CDH1: variants seen among roughly 807,000 people sequenced by gnomAD.
CDH1 encodes cadherin-1.
Under a neutral mutation model 84.5 loss-of-function variants are expected in CDH1, and 35 were observed. The ratio of observed to expected loss-of-function variants is 0.41; its 90% CI spans 0.32 to 0.55. The LOEUF (loss-of-function observed/expected upper bound fraction) is 0.55, where lower values mean the gene tolerates loss of function less well. Among genes scored for constraint, CDH1 ranks in the 20% least tolerant of loss-of-function variants. CDH1 has a pLI of 0.19. For synonymous variants in CDH1, 417 were observed against 439.0 expected (o/e 0.95, Z 0.63); for missense variants, 994 against 1,126.6 (o/e 0.88, Z 1.68).
At chr16:68,794,672 C>CA (rs1960308774) in intron 2 of CDH1, among the ~76,000 whole-genome samples, 1 of 149,804 alleles carries the variant, frequency 6.7e-6, no homozygotes, top group Admixed American at 6.8e-5. Flanking sequence ...GGTGCACCAA[C>CA]ATGCCGGGCT....
chr16:68,789,684 C>A (rs1161385891), intron 2 of CDH1, among the ~76,000 whole-genome samples: 2 of 152,188 alleles, frequency 1.3e-5, no homozygotes, highest in Non-Finnish European at 2.9e-5. Flanking sequence ...AAATCCCTCA[C>A]TCCTTAGTTG....
chr16:68,783,366 C>T (rs1959936918), intron 2 of CDH1, among the ~76,000 whole-genome samples: 1 of 140,242 alleles, frequency 7.1e-6, no homozygotes, highest in Admixed American at 7.5e-5. Context: ...CACTGCACTC[C>T]AGCCTAGGTG....
intron 2 of CDH1, among the ~76,000 whole-genome samples, chr16:68,767,515 A>C (rs1229355066): frequency 6.6e-6 from 1 of 152,210 alleles, no homozygotes. Flanking sequence ...TTAAGTTTCA[A>C]TAATGAGAAA....
At position 68,833,794 on chromosome 16, in the gene CDH1, A is replaced by G; in HGVS notation, c.*295A>G. ...AATATTCCAGAAGAACAACTTTAGC[A>G]TCAGAAGGTTCACCCAGCACCTTGC... On this transcript the variant is annotated 3_prime_UTR_variant, in exon 16 of 16. Coordinates refer to ENST00000261769, the MANE Select transcript of CDH1 (RefSeq NM_004360.5). 2.2e-6 allele frequency: 1 copy of G among 459,146 alleles called. No homozygotes were observed. The highest frequency in any genetic ancestry group is 3.8e-5 in the East Asian group (1 of 26,194). 28.4% of individuals were successfully genotyped at this position (459,146 alleles called of 1,614,324 possible).
intron 5 of CDH1, among the ~76,000 whole-genome samples, chr16:68,809,528 G>A (rs1383559409): frequency 1.3e-5 from 2 of 151,088 alleles, no homozygotes; most frequent in African/African-American, 4.9e-5. Context: ...TTTTTGTTTT[G>A]GATTTTTGTT....
intron 3 of CDH1, among the ~76,000 whole-genome samples, chr16:68,803,774 TATCATG>T (rs1157655774): frequency 6.6e-6 from 1 of 152,210 alleles, no homozygotes; most frequent in Non-Finnish European, 1.5e-5. Flanking sequence ...ATGTCTGCTG[TATCATG>T]ATTGGGTTCA....
At chr16:68,800,555 G>A (rs889867446) in intron 2 of CDH1, among the ~76,000 whole-genome samples, 3 of 152,152 alleles carry the variant, frequency 2.0e-5, no homozygotes, top group Non-Finnish European at 1.5e-5. Flanking sequence ...AAGATAGGAC[G>A]GCAGGAATTT....
At chr16:68,799,985 C>T (rs4783684) in intron 2 of CDH1, among the ~76,000 whole-genome samples, 6 of 150,160 alleles carry the variant, frequency 4.0e-5, no homozygotes, top group South Asian at 2.1e-4. Context: ...ACTCCAGCCT[C>T]GGCAACAGAG....
chr16:68,830,662 CCTT>C (rs1242850864), intron 15 of CDH1, among the ~76,000 whole-genome samples: 3 of 152,118 alleles, frequency 2.0e-5, no homozygotes, highest in Admixed American at 6.5e-5. Flanking sequence ...GCACGTAGAC[CCTT>C]CTTCTCAGGC....
At chr16:68,820,507 C>T (rs1398507088) in intron 11 of CDH1, among the ~76,000 whole-genome samples, 6 of 151,902 alleles carry the variant, frequency 3.9e-5, no homozygotes, top group East Asian at 2.0e-4. Context: ...TGCACCACCA[C>T]GCCCAGCTAA....
intron 2 of CDH1, among the ~76,000 whole-genome samples, chr16:68,750,150 C>CTTTTTTTTTTTTTTTTTTTTTTTTTTTTT (rs34551002): frequency 2.5e-5 from 2 of 79,094 alleles, no homozygotes; most frequent in Non-Finnish European, 5.2e-5. Flanking sequence ...TAGAATTCAG[C>CTTTTTTTTTTTTTTTTTTTTTTTTTTTTT]TTTTTTTTTT....
chr16:68,783,430 T>A (rs1597871963), intron 2 of CDH1, among the ~76,000 whole-genome samples: 1 of 148,782 alleles, frequency 6.7e-6, no homozygotes, highest in African/African-American at 2.5e-5. Flanking sequence ...GAAAAAAAAG[T>A]TTGTTTATGT....
intron 2 of CDH1, among the ~76,000 whole-genome samples, chr16:68,793,272 T>A (rs978694058): frequency 6.6e-6 from 1 of 152,064 alleles, no homozygotes. Context: ...GAAACTGGAG[T>A]ATAGTGTGGC....
chr16:68,815,674 G>T lies in CDH1; in HGVS notation c.1480G>T (p.Glu494Ter), dbSNP rs778871891. 6.2e-7 allele frequency: 1 copy of T among 1,614,226 alleles called. No individual in the cohort carries two copies. The highest frequency in any genetic ancestry group is 8.5e-7 in the Non-Finnish European group (1 of 1,180,038). The stretch of plus-strand genomic sequence containing the variant: ...CTTTGTGCCTCCTGAAAAGAGAGTG[G>T]AAGTGTCCGAGGACTTTGGCGTGGG... ...PIFVPPEKRV[E>*]VSEDFGVGQE... The change falls in exon 10 of 16, where the codon GAA becomes TAA. Residue 494 changes from glutamate to a stop codon, truncating the protein, a stop_gained. Coordinates refer to ENST00000261769, the MANE Select transcript of CDH1 (RefSeq NM_004360.5). LOFTEE classifies it high-confidence loss of function.
chr16:68,759,865 C>T lies in CDH1; in HGVS notation c.163+21454C>T, dbSNP rs796757977. 7.2e-5 allele frequency among the ~76,000 whole-genome samples: 11 copies of T among 152,040 alleles called. 1 individual carries two copies. Among genetic ancestry groups the T allele is most frequent in the African/African-American group, 2.2e-4 (9 of 41,510 alleles). On this transcript the variant is annotated intron_variant, in intron 2 of 15. Transcript: ENST00000261769. ...GGAGCTGGGAAGGAAAAGTGTGTAC[C>T]GCCCTGGCTGGCTTTTATCCTTCCT...
chr16:68,762,377 G>A (rs1388315189), intron 2 of CDH1, among the ~76,000 whole-genome samples: 3 of 152,124 alleles, frequency 2.0e-5, no homozygotes, highest in Non-Finnish European at 2.9e-5. Context: ...GGAAGTATTC[G>A]CAGCCCCCAG....
intron 9 of CDH1, among the ~76,000 whole-genome samples, chr16:68,814,173 T>C (rs998744316): frequency 2.0e-5 from 3 of 152,060 alleles, no homozygotes; most frequent in Non-Finnish European, 4.4e-5. Flanking sequence ...AGAGGGAGGT[T>C]GCAGTGAGCC....
chr16:68,806,414 T>C (rs1960662942), intron 3 of CDH1, among the ~76,000 whole-genome samples: 1 of 151,548 alleles, frequency 6.6e-6, no homozygotes, highest in Admixed American at 6.6e-5. Context: ...CCTCCCAAAG[T>C]GCTGGGATTA....
chr16:68,764,118 G>T (rs769295595), intron 2 of CDH1, among the ~76,000 whole-genome samples: 1 of 152,216 alleles, frequency 6.6e-6, no homozygotes, highest in African/African-American at 2.4e-5. Context: ...ATTATTGGTT[G>T]GGTTTGGTGG....
Sources: gnomAD v4.1 joint callset for allele counts (sites outside exome capture counted in the v4.1 genomes callset) on GRCh38, gnomAD v4.1.1 for gene constraint, MANE v1.5 for transcripts, NCBI Gene and HGNC (gene_info 2026-07-23, HGNC 2026-07-21) for gene names.